The following KCNH5 variants were observed in gnomAD, a reference collection of about 807,000 sequenced individuals.
The protein encoded by KCNH5 is potassium voltage-gated channel subfamily H member 5.
KCNH5 carries 46 observed loss-of-function variants against 96.1 expected under a neutral mutation model. The observed-to-expected ratio is 0.48, with a 90% confidence interval of 0.38 to 0.61. The LOEUF (loss-of-function observed/expected upper bound fraction) is 0.61. Ranked by LOEUF, KCNH5 falls within the 20% of genes least tolerant of loss-of-function variation. KCNH5 has a pLI of 0.00. For synonymous variants in KCNH5, 439 were observed against 449.8 expected (o/e 0.98, Z 0.30); for missense variants, 907 against 1,225.8 (o/e 0.74, Z 3.88).
At chr14:62,828,618 G>C (rs1261478755) in intron 8 of KCNH5, among the ~76,000 whole-genome samples, 1 of 152,146 alleles carries the variant, frequency 6.6e-6, no homozygotes, top group Non-Finnish European at 1.5e-5. Flanking sequence ...ACTGTCATGA[G>C]AGAACAGCAT....
intron 10 of KCNH5, among the ~76,000 whole-genome samples, chr14:62,773,034 A>G (rs1449970906): frequency 6.6e-6 from 1 of 152,226 alleles, no homozygotes; most frequent in Non-Finnish European, 1.5e-5. Context: ...ATGCAAATTG[A>G]TGCCACATAT....
At chr14:62,747,407 G>T (rs926028217) in intron 10 of KCNH5, among the ~76,000 whole-genome samples, 1 of 151,852 alleles carries the variant, frequency 6.6e-6, no homozygotes, top group Non-Finnish European at 1.5e-5. Flanking sequence ...GCACAGATTG[G>T]CAAAGCTCTT....
chr14:62,946,575 G>GT (rs978587313), intron 7 of KCNH5, among the ~76,000 whole-genome samples: 1 of 151,800 alleles, frequency 6.6e-6, no homozygotes, highest in Non-Finnish European at 1.5e-5. Context: ...TGTTACATGG[G>GT]TAAATGTGTG....
intron 7 of KCNH5, among the ~76,000 whole-genome samples, chr14:62,931,371 C>G (rs1002912982): frequency 1.1e-4 from 16 of 152,080 alleles, no homozygotes; most frequent in Non-Finnish European, 2.1e-4. Context: ...GCAGAACTAA[C>G]AGACCTATGC....
Position 63,024,330 on chromosome 14 carries a change from G to GA in KCNH5, c.74-7377dup, listed in dbSNP as rs1339376852. ...TTTATAGCAACAAGTGCCTACATGAGAAAAGAAGACCCTAAATAATCAACT... is the reference window on the plus strand; with the variant it reads ...TTTATAGCAACAAGTGCCTACATGAGAAAAAGAAGACCCTAAATAATCAACT... On this transcript the variant is annotated intron_variant, in intron 1 of 10. Coordinates refer to ENST00000322893, the MANE Select transcript of KCNH5 (RefSeq NM_139318.5). Among the ~76,000 whole-genome samples the GA allele has an allele frequency of 1.9e-4, 27 of 143,260 alleles. No homozygotes were observed. In the East Asian group the frequency reaches 4.2e-3, roughly 22 times the overall value. The allele number at this position is 143,260 out of a possible 152,430, so 94.0% of individuals were successfully genotyped here.
chr14:63,041,651 TTAAAC>T lies in KCNH5; in HGVS notation c.73+3458_73+3462del, dbSNP rs1448943531. 4.6e-5 allele frequency among the ~76,000 whole-genome samples: 7 copies of T among 152,208 alleles called. No individual in the cohort carries two copies. In the South Asian group the frequency reaches 1.0e-3, roughly 22 times the overall value. On this transcript the variant is annotated intron_variant, in intron 1 of 10. Transcript: ENST00000322893. ...CTAGAAATGATCTTATCTTTTATCT[TTAAAC>T]TAAAAAGAATTCCTTGCTTCTTTTG...
chr14:63,003,483 TTATATATATTATA>T (rs1891052292), intron 3 of KCNH5, among the ~76,000 whole-genome samples: 2 of 127,068 alleles, frequency 1.6e-5, no homozygotes, highest in Admixed American at 9.0e-5. Context: ...TATATATATT[TTATATATATTATA>T]TATATATTTT....
At chr14:63,029,097 A>C (rs960716837) in intron 1 of KCNH5, among the ~76,000 whole-genome samples, 2 of 152,140 alleles carry the variant, frequency 1.3e-5, no homozygotes, top group Non-Finnish European at 2.9e-5. Context: ...ATGCACTCTG[A>C]GTTTATGGAG....
chr14:62,776,383 T>C (rs997242890), intron 10 of KCNH5, among the ~76,000 whole-genome samples: 1 of 152,118 alleles, frequency 6.6e-6, no homozygotes, highest in Non-Finnish European at 1.5e-5. Flanking sequence ...GTCTCTCTTA[T>C]GTGGGAACAC....
At chr14:62,896,664 C>CT (rs1489393712) in intron 7 of KCNH5, among the ~76,000 whole-genome samples, 1 of 151,884 alleles carries the variant, frequency 6.6e-6, no homozygotes, top group Admixed American at 6.6e-5. Context: ...AAGTGAATTG[C>CT]TTTTTTTTCT....
chr14:62,712,478 T>C, intron 10 of KCNH5: 1 of 602,996 alleles, frequency 1.7e-6, no homozygotes, highest in Non-Finnish European at 3.0e-6. Context: ...AATTGAGGCA[T>C]AAAGAGTTTA....
At chr14:62,870,055 C>T (rs539953891) in intron 7 of KCNH5, among the ~76,000 whole-genome samples, 7 of 152,260 alleles carry the variant, frequency 4.6e-5, no homozygotes, top group South Asian at 2.1e-4. Context: ...ATGGCTACTT[C>T]GAGTGTATGC....
At chr14:63,004,172 C>T (rs1594670568) in intron 3 of KCNH5, among the ~76,000 whole-genome samples, 1 of 152,162 alleles carries the variant, frequency 6.6e-6, no homozygotes, top group South Asian at 2.1e-4. Context: ...AATTTTTCTA[C>T]CTAACACTTT....
chr14:62,829,018 T>C (rs243156), intron 8 of KCNH5, among the ~76,000 whole-genome samples: 56,155 of 151,950 alleles, frequency 0.37, 10,813 homozygotes, highest in South Asian at 0.59. Flanking sequence ...AGGACTTTGT[T>C]TTGAAGTCTG....
intron 3 of KCNH5, among the ~76,000 whole-genome samples, chr14:63,005,428 G>C (rs1458941661): frequency 6.6e-6 from 1 of 152,156 alleles, no homozygotes; most frequent in African/African-American, 2.4e-5. Context: ...AGATCCAACA[G>C]GCACTGAACA....
intron 7 of KCNH5, among the ~76,000 whole-genome samples, chr14:62,882,913 T>C (rs940133293): frequency 2.6e-5 from 4 of 152,226 alleles, no homozygotes; most frequent in Non-Finnish European, 5.9e-5. Flanking sequence ...CAAGAGCCTT[T>C]AGCTTTATAT....
intron 10 of KCNH5, among the ~76,000 whole-genome samples, chr14:62,746,405 G>T (rs1230092155): frequency 6.6e-5 from 10 of 152,116 alleles, no homozygotes; most frequent in African/African-American, 2.2e-4. Flanking sequence ...AAAGAACAAT[G>T]CACAAAAAAG....
chr14:62,733,870 T>C (rs1885101924), intron 10 of KCNH5, among the ~76,000 whole-genome samples: 1 of 152,184 alleles, frequency 6.6e-6, no homozygotes, highest in Non-Finnish European at 1.5e-5. Context: ...AGTTCAGTCC[T>C]TGACCCAATG....
chr14:62,851,496 C>A, intron 7 of KCNH5, among the ~76,000 whole-genome samples: 2 of 69,180 alleles, frequency 2.9e-5, no homozygotes, highest in African/African-American at 3.8e-5. Flanking sequence ...AGAGGTCTTT[C>A]CTAAAAAAAA....
Sources: allele counts gnomAD v4.1 joint callset (sites outside exome capture counted in the v4.1 genomes callset), GRCh38; gene constraint gnomAD v4.1.1; transcripts MANE v1.5; gene names NCBI Gene and HGNC (gene_info 2026-07-23, HGNC 2026-07-21).